The following ANTXR1 variants were observed in gnomAD, a reference collection of about 807,000 sequenced individuals.
ANTXR1 encodes ANTXR cell adhesion molecule 1.
Under a neutral mutation model 78.1 loss-of-function variants are expected in ANTXR1, and 19 were observed. That is an observed-to-expected ratio of 0.24 (90% CI 0.17 to 0.36). ANTXR1 has a LOEUF of 0.36. ANTXR1 is among the 10% of genes least tolerant of loss of function. ANTXR1 has a pLI of 1.00. For synonymous variants in ANTXR1, 273 were observed against 260.5 expected (o/e 1.05, Z -0.46); for missense variants, 518 against 718.6 (o/e 0.72, Z 3.19).
intron 1 of ANTXR1, among the ~76,000 whole-genome samples, chr2:69,028,492 A>G (rs1244438097): frequency 6.6e-6 from 1 of 152,166 alleles, no homozygotes; most frequent in East Asian, 1.9e-4. Flanking sequence ...GATATCACTT[A>G]CACATGAAAA....
At chr2:69,178,379 G>A (rs1674187813) in intron 14 of ANTXR1, among the ~76,000 whole-genome samples, 1 of 152,218 alleles carries the variant, frequency 6.6e-6, no homozygotes, top group Non-Finnish European at 1.5e-5. Context: ...GGCCAGCTCC[G>A]GTCAGGGGAT....
chr2:69,217,370 GA>G (rs1430802549), intron 17 of ANTXR1, among the ~76,000 whole-genome samples: 1 of 152,214 alleles, frequency 6.6e-6, no homozygotes, highest in African/African-American at 2.4e-5. Context: ...TGCACAATGT[GA>G]ATCTGAGAGT....
intron 3 of ANTXR1, among the ~76,000 whole-genome samples, chr2:69,060,533 G>A (rs919257560): frequency 4.6e-5 from 7 of 152,184 alleles, no homozygotes; most frequent in African/African-American, 7.2e-5. Context: ...ACATAGAAAT[G>A]TGAGAAAGAA....
intron 1 of ANTXR1, among the ~76,000 whole-genome samples, chr2:69,020,999 T>C (rs1188394154): frequency 6.6e-6 from 1 of 152,156 alleles, no homozygotes; most frequent in East Asian, 1.9e-4. Flanking sequence ...TGGAGAAAAG[T>C]TAGAGGACTC....
chr2:69,221,430 TTGAG>T (rs1373018038), intron 17 of ANTXR1, among the ~76,000 whole-genome samples: 1 of 152,158 alleles, frequency 6.6e-6, no homozygotes, highest in African/African-American at 2.4e-5. Context: ...CAGCTTTCAT[TTGAG>T]TGAGAGTAAA....
chr2:69,078,048 A>G (rs180719372), intron 8 of ANTXR1, among the ~76,000 whole-genome samples: 5 of 152,236 alleles, frequency 3.3e-5, no homozygotes, highest in African/African-American at 1.2e-4. Context: ...CCCCAAATAC[A>G]TGGGCTCCAG....
At chr2:69,213,171 C>T (rs1675089055) in intron 17 of ANTXR1, among the ~76,000 whole-genome samples, 1 of 152,088 alleles carries the variant, frequency 6.6e-6, no homozygotes, top group South Asian at 2.1e-4. Context: ...AAAGCAATCA[C>T]TGTCAAGAGA....
chr2:69,092,445 G>A (rs1185986047), intron 9 of ANTXR1, among the ~76,000 whole-genome samples: 1 of 152,210 alleles, frequency 6.6e-6, no homozygotes, highest in Non-Finnish European at 1.5e-5. Flanking sequence ...TAAATATACA[G>A]CATGCATACA....
chr2:69,023,742 A>G (rs1280548568), intron 1 of ANTXR1, among the ~76,000 whole-genome samples: 1 of 152,222 alleles, frequency 6.6e-6, no homozygotes, highest in Non-Finnish European at 1.5e-5. Flanking sequence ...AAAGTTTTGT[A>G]GAAGACATGG....
intron 14 of ANTXR1, among the ~76,000 whole-genome samples, chr2:69,173,171 G>T (rs1674037737): frequency 6.6e-6 from 1 of 152,170 alleles, no homozygotes; most frequent in Admixed American, 6.5e-5. Flanking sequence ...CACCCTCATG[G>T]GCTTTCGATT....
chr2:69,040,554 T>A (rs1373242218), intron 2 of ANTXR1, among the ~76,000 whole-genome samples: 1 of 152,192 alleles, frequency 6.6e-6, no homozygotes, highest in Non-Finnish European at 1.5e-5. Flanking sequence ...AGGGGAACCC[T>A]CCTTAGTCCT....
Position 69,131,865 on chromosome 2 carries a change from G to GA in ANTXR1, c.951+7228dup, listed in dbSNP as rs1375667799. 6.6e-5 allele frequency among the ~76,000 whole-genome samples: 10 copies of GA among 152,186 alleles called. No individual in the cohort carries two copies. In the South Asian group the frequency reaches 8.3e-4, roughly 13 times the overall value. On this transcript the variant is annotated intron_variant, in intron 12 of 17. Coordinates refer to ENST00000303714, the MANE Select transcript of ANTXR1 (RefSeq NM_032208.3). Reference sequence around the variant, plus strand: ...GGAGCTTGAGCATAATTTAACAGGGGAAAAAATCTGCCAGGTAAGAAACTA... The same window carrying GA: ...GGAGCTTGAGCATAATTTAACAGGGGAAAAAAATCTGCCAGGTAAGAAACTA...
chr2:69,145,504 C>T (rs116385915), intron 12 of ANTXR1: 716 of 1,464,790 alleles, frequency 4.9e-4, no homozygotes, highest in Non-Finnish European at 5.3e-4. Context: ...CCTGGAGTTA[C>T]GCACACTGAG....
intron 8 of ANTXR1, among the ~76,000 whole-genome samples, chr2:69,082,308 C>G (rs751559945): frequency 1.5e-4 from 23 of 152,240 alleles, no homozygotes; most frequent in Non-Finnish European, 2.6e-4. Flanking sequence ...TCCACACTTG[C>G]ACAGGACTCT....
intron 9 of ANTXR1, among the ~76,000 whole-genome samples, chr2:69,101,255 A>T (rs551242960): frequency 7.9e-5 from 12 of 152,262 alleles, no homozygotes; most frequent in African/African-American, 2.6e-4. Flanking sequence ...AATAAGCTTT[A>T]AAAAAAATCA....
At chr2:69,158,706 TTTGTG>T (rs1163920222) in intron 13 of ANTXR1, among the ~76,000 whole-genome samples, 4 of 152,232 alleles carry the variant, frequency 2.6e-5, no homozygotes, top group African/African-American at 9.6e-5. Context: ...TAAAATAGGC[TTTGTG>T]TTATCTATTT....
chr2:69,019,841 TTC>T (rs1293189880), intron 1 of ANTXR1, among the ~76,000 whole-genome samples: 1 of 152,180 alleles, frequency 6.6e-6, no homozygotes, highest in Non-Finnish European at 1.5e-5. Context: ...GTATTTGGTT[TTC>T]TGTTTGTGCA....
intron 17 of ANTXR1, among the ~76,000 whole-genome samples, chr2:69,199,690 A>T (rs1440893270): frequency 6.6e-6 from 1 of 152,102 alleles, no homozygotes; most frequent in Non-Finnish European, 1.5e-5. Context: ...TTGTTCTGTG[A>T]TGAGGTCTGG....
At chr2:69,156,989 CA>C (rs1673544287) in intron 13 of ANTXR1, among the ~76,000 whole-genome samples, 1 of 152,186 alleles carries the variant, frequency 6.6e-6, no homozygotes, top group African/African-American at 2.4e-5. Context: ...TCCTTTCACC[CA>C]CACACTCCTT....
Sources: gnomAD v4.1 joint callset for allele counts (sites outside exome capture counted in the v4.1 genomes callset) on GRCh38, gnomAD v4.1.1 for gene constraint, MANE v1.5 for transcripts, NCBI Gene and HGNC (gene_info 2026-07-23, HGNC 2026-07-21) for gene names.